TBC1D14: variants seen among roughly 807,000 people sequenced by gnomAD.
The protein encoded by TBC1D14 is TBC1 domain family member 14, also known as TBC1 domain family, member 14.
In TBC1D14, 26 loss-of-function variants were observed where a neutral mutation model predicts 79.0. The ratio of observed to expected loss-of-function variants is 0.33; its 90% CI spans 0.24 to 0.46. The LOEUF is 0.46. Among genes scored for constraint, TBC1D14 ranks in the 20% least tolerant of loss-of-function variants. The pLI is 1.00. For synonymous variants in TBC1D14, 394 were observed against 349.9 expected, an observed-to-expected ratio of 1.13 and a Z score of -1.40; for missense variants, 769 against 887.6, an observed-to-expected ratio of 0.87 and a Z score of 1.70.
chr4:6,930,384 G>A (rs80156236), intron 2 of TBC1D14, among the ~76,000 whole-genome samples: 2,486 of 152,304 alleles, frequency 0.016, 86 homozygotes, highest in African/African-American at 0.057. Flanking sequence ...CCATCGACAG[G>A]GGAGGGAGAT....
intron 1 of TBC1D14, among the ~76,000 whole-genome samples, chr4:6,915,067 C>G (rs1346468198): frequency 2.0e-5 from 3 of 152,076 alleles, no homozygotes; most frequent in African/African-American, 7.2e-5. Flanking sequence ...GAAAGAGATG[C>G]AGGGGTTGGT....
At chr4:6,924,165 T>TCCC in intron 2 of TBC1D14, 54 bp downstream of exon 2, 7 of 1,538,490 alleles carry the variant, frequency 4.5e-6, no homozygotes, top group Non-Finnish European at 6.1e-6. Context: ...CAGACCAGTC[T>TCCC]CCTTGTTCCT....
chr4:6,914,668 G>C (rs1443515604), intron 1 of TBC1D14, among the ~76,000 whole-genome samples: 2 of 152,238 alleles, frequency 1.3e-5, no homozygotes, highest in Non-Finnish European at 2.9e-5. Context: ...TGCGCTTGGG[G>C]AGCGGAGGCA....
At chr4:6,937,494 G>A (rs1712454355) in intron 2 of TBC1D14, among the ~76,000 whole-genome samples, 1 of 152,146 alleles carries the variant, frequency 6.6e-6, no homozygotes, top group South Asian at 2.1e-4. Flanking sequence ...CACAAACCCT[G>A]GGGTTGTAGC....
At position 6,923,707 on chromosome 4, in the gene TBC1D14, G is replaced by A. The variant is rs758663978; in HGVS notation, c.318G>A (p.Ala106=). Residue 106 remains alanine, a synonymous_variant, in exon 2 of 14, where the codon GCG becomes GCA. Coordinates refer to ENST00000409757, the MANE Select transcript of TBC1D14 (RefSeq NM_020773.3). The part of the protein sequence containing the change: ...IPERAFQSAC[A]LPSCAPPAPS... ...AGCGGGCCTTCCAGAGCGCCTGCGC[G>A]CTGCCATCCTGTGCGCCACCAGCTC... is the stretch of plus-strand genomic sequence containing the variant. The A allele has an allele frequency of 1.9e-5, 30 of 1,613,690 alleles. No homozygotes were observed. Among genetic ancestry groups the A allele is most frequent in the Middle Eastern group, 1.6e-4 (1 of 6,084 alleles).
At chr4:6,953,313 A>C (rs1246052112) in intron 2 of TBC1D14, among the ~76,000 whole-genome samples, 2 of 130,392 alleles carry the variant, frequency 1.5e-5, no homozygotes, top group South Asian at 2.9e-4. Context: ...GTGAGCCACC[A>C]CGCCCAGCCA....
intron 1 of TBC1D14, among the ~76,000 whole-genome samples, chr4:6,912,785 C>A (rs527496144): frequency 6.6e-6 from 1 of 152,320 alleles, no homozygotes; most frequent in South Asian, 2.1e-4. Context: ...TTCCCCTAAT[C>A]TTGTCAACTG....
At chr4:6,988,885 C>CTTTTTTTTTTTTTTTT (rs34268749) in intron 3 of TBC1D14, among the ~76,000 whole-genome samples, 36 of 76,808 alleles carry the variant, frequency 4.7e-4, no homozygotes, top group East Asian at 7.9e-4. Context: ...TTCTTTCTTT[C>CTTTTTTTTTTTTTTTT]TTTTTTTTTT....
intron 2 of TBC1D14, among the ~76,000 whole-genome samples, chr4:6,930,813 C>T (rs1711651602): frequency 6.6e-6 from 1 of 150,824 alleles, no homozygotes; most frequent in Admixed American, 6.6e-5. Flanking sequence ...AAAAAAAAAA[C>T]CTGTGAGGGG....
intron 4 of TBC1D14, chr4:6,995,238 G>C (rs183081186): frequency 8.5e-5 from 13 of 152,320 alleles, no homozygotes; most frequent in Admixed American, 4.6e-4. Flanking sequence ...GCACATCTGT[G>C]TATATGTCAA....
chr4:7,010,066 G>C, intron 10 of TBC1D14, 118 bp downstream of exon 10: 1 of 1,137,342 alleles, frequency 8.8e-7, no homozygotes, highest in East Asian at 2.4e-5. Context: ...CGAGGAGTAT[G>C]AAAAGTCTCG....
chr4:6,923,852 T>A lies in TBC1D14; in HGVS notation c.463T>A (p.Ser155Thr). 1 of 1,614,188 alleles carries A rather than the reference T, an allele frequency of 6.2e-7. No homozygotes were observed. The change falls in exon 2 of 14, where the codon TCC becomes ACC. Residue 155 changes from serine (S) to threonine (T), a missense_variant. Ser to Thr is a moderately conservative substitution (Grantham distance 58). Coordinates refer to ENST00000409757, the MANE Select transcript of TBC1D14 (RefSeq NM_020773.3). ...SKALTRSDDV[S>T]VCSVSSLGTE... is the part of the protein sequence containing the mutation. ...AGCCCTGACCCGCAGCGATGATGTC[T>A]CCGTCTGCAGCGTGTCCAGTCTTGG... is the stretch of plus-strand genomic sequence containing the variant.
intron 2 of TBC1D14, among the ~76,000 whole-genome samples, chr4:6,945,820 G>T (rs1486829703): frequency 6.7e-6 from 1 of 149,566 alleles, no homozygotes; most frequent in Non-Finnish European, 1.5e-5. Context: ...GATAGCATGG[G>T]AGGGGAAAGA....
At position 6,914,790 on chromosome 4, in the gene TBC1D14, A is replaced by G. The variant is rs568707429; in HGVS notation, c.-18+4839A>G. On this transcript the variant is annotated intron_variant, in intron 1 of 13. Transcript: ENST00000409757. ...CTCAATGGCTCACATCTGTAATCCC[A>G]GCACTTTGGGAGGCTGAGGCAGGCG... 2.0e-5 allele frequency among the ~76,000 whole-genome samples: 3 copies of G among 152,362 alleles called. No homozygotes were observed. In the South Asian group the frequency reaches 6.2e-4, roughly 32 times the overall value.
intron 2 of TBC1D14, among the ~76,000 whole-genome samples, chr4:6,952,183 C>G (rs544405268): frequency 8.5e-4 from 130 of 152,292 alleles, no homozygotes; most frequent in African/African-American, 3.0e-3. Context: ...AACAGTGGTT[C>G]TCAGATCCAG....
intron 3 of TBC1D14, among the ~76,000 whole-genome samples, chr4:6,978,752 A>G (rs561500133): frequency 1.5e-3 from 221 of 151,718 alleles, no homozygotes; most frequent in African/African-American, 4.3e-3. Context: ...AAAAAAAAAA[A>G]AAAAGAAAAG....
intron 3 of TBC1D14, among the ~76,000 whole-genome samples, chr4:6,989,531 G>T (rs1718267299): frequency 1.3e-5 from 2 of 152,122 alleles, no homozygotes; most frequent in South Asian, 4.1e-4. Context: ...CAGGCATCCT[G>T]CCCTTCCTCC....
intron 2 of TBC1D14, among the ~76,000 whole-genome samples, chr4:6,941,237 G>T (rs966816486): frequency 6.8e-6 from 1 of 147,278 alleles, no homozygotes; most frequent in African/African-American, 2.5e-5. Flanking sequence ...CCAGGCTGGA[G>T]TGCAATGGCA....
In TBC1D14 at chr4:7,030,307, G is replaced by A. The variant is rs1489902146; in HGVS notation, c.2017-20G>A. 6.2e-7 allele frequency: 1 copy of A among 1,612,958 alleles called. No individual in the cohort carries two copies. Among genetic ancestry groups the A allele is most frequent in the Non-Finnish European group, 8.5e-7 (1 of 1,179,046 alleles). On this transcript the variant is annotated intron_variant, in intron 13 of 13. Coordinates refer to ENST00000409757, the MANE Select transcript of TBC1D14 (RefSeq NM_020773.3). ...TGTGCGTGGTCACTTAACCTCAGCT[G>A]TCTTCCCTGTGACTTCTAGGTACTG...
Sources: gnomAD v4.1 joint callset for allele counts (sites outside exome capture counted in the v4.1 genomes callset) on GRCh38, gnomAD v4.1.1 for gene constraint, MANE v1.5 for transcripts, NCBI Gene and HGNC (gene_info 2026-07-23, HGNC 2026-07-21) for gene names.